Variants in RYR2 observed in about 807,000 individuals in gnomAD.
RYR2 encodes ryanodine receptor 2, also known as cardiac muscle ryanodine receptor-calcium release channel.
A neutral mutation model predicts 601.1 loss-of-function variants in RYR2; 227 were observed. That is an observed-to-expected ratio of 0.38 (90% CI 0.34 to 0.42). The LOEUF (loss-of-function observed/expected upper bound fraction) is 0.42. Among genes scored for constraint, RYR2 ranks in the 10% least tolerant of loss-of-function variants. The pLI, the probability that RYR2 is intolerant of heterozygous loss-of-function variation, is 1.00. For missense variants in RYR2, 4,646 were observed against 6,156.5 expected (o/e 0.75, Z 8.21); for synonymous variants, 2,223 against 2,175.1 (o/e 1.02, Z -0.61).
intron 1 of RYR2, among the ~76,000 whole-genome samples, chr1:237,149,114 T>G (rs1249731107): frequency 6.6e-6 from 1 of 152,200 alleles, no homozygotes; most frequent in African/African-American, 2.4e-5. Flanking sequence ...TAATTATACT[T>G]TGAAAACTTA....
intron 1 of RYR2, among the ~76,000 whole-genome samples, chr1:237,127,372 C>G (rs1482343061): frequency 1.3e-5 from 2 of 149,846 alleles, no homozygotes; most frequent in Non-Finnish European, 3.0e-5. Context: ...TGGGCAGAGG[C>G]GCCCCTCACC....
intron 25 of RYR2, among the ~76,000 whole-genome samples, chr1:237,538,148 G>C (rs1668842807): frequency 6.6e-6 from 1 of 152,042 alleles, no homozygotes; most frequent in Non-Finnish European, 1.5e-5. Flanking sequence ...CCAGCACTTT[G>C]GGAAGTCGAG....
chr1:237,381,458 T>G (rs1478358042), intron 8 of RYR2, among the ~76,000 whole-genome samples: 1 of 152,150 alleles, frequency 6.6e-6, no homozygotes, highest in East Asian at 1.9e-4. Context: ...TGATAACAAA[T>G]TAGTTAAAAC....
chr1:237,806,854 G>A (rs559611779), intron 99 of RYR2, among the ~76,000 whole-genome samples: 11 of 152,240 alleles, frequency 7.2e-5, no homozygotes, highest in African/African-American at 2.4e-4. Flanking sequence ...ATGCACTTAC[G>A]TTCCAATGGA....
Position 237,220,570 on chromosome 1 carries a change from T to C in RYR2, c.49-49927T>C, listed in dbSNP as rs547258794. ...TTCCTCCCAGTCATCCCCCTCCATA[T>C]ATACCGTATAGTTTCTGTTTCTCGG... is the stretch of plus-strand genomic sequence containing the variant. On this transcript the variant is annotated intron_variant, in intron 1 of 104. Coordinates refer to ENST00000366574, the MANE Select transcript of RYR2 (RefSeq NM_001035.3). Among the ~76,000 whole-genome samples the C allele has an allele frequency of 2.0e-5, 3 of 152,308 alleles. No homozygotes were observed. In the South Asian group the frequency reaches 6.2e-4, roughly 32 times the overall value.
Position 237,819,218 on chromosome 1 carries a change from A to T in RYR2, c.14590+26A>T, listed in dbSNP as rs566498376. On this transcript the variant is annotated intron_variant, in intron 101 of 104. Transcript: ENST00000366574. This position sits in a 1 kb window ranked among gnomAD's most constrained non-coding sequence, Gnocchi z 4.0. ...GTAAGTATCCTCCTCACTGAAGCTG[A>T]TGAACATCTAGAATTTGAGCCACAT... 1.3e-5 allele frequency: 20 copies of T among 1,597,080 alleles called. No homozygotes were observed. The highest frequency in any genetic ancestry group is 1.7e-5 in the Admixed American group (1 of 59,944).
At chr1:237,669,913 G>A (rs1461205022) in intron 58 of RYR2, among the ~76,000 whole-genome samples, 4 of 151,840 alleles carry the variant, frequency 2.6e-5, no homozygotes, top group South Asian at 2.1e-4. Context: ...CTGCAATCTC[G>A]GCATTTTGGG....
At chr1:237,300,523 C>T (rs1360285826) in intron 2 of RYR2, among the ~76,000 whole-genome samples, 1 of 152,142 alleles carries the variant, frequency 6.6e-6, no homozygotes, top group African/African-American at 2.4e-5. Context: ...ACACTACTCT[C>T]GTCATTCAAA....
At chr1:237,557,487 C>G (rs780962374) in intron 27 of RYR2, among the ~76,000 whole-genome samples, 2 of 151,628 alleles carry the variant, frequency 1.3e-5, no homozygotes. Context: ...TTTCAGAGAG[C>G]TTTGTACGAC....
chr1:237,602,394 G>A (rs1676604934), intron 35 of RYR2, among the ~76,000 whole-genome samples: 1 of 152,116 alleles, frequency 6.6e-6, no homozygotes, highest in Non-Finnish European at 1.5e-5. Flanking sequence ...GAACTGATAG[G>A]TGAGCTAATG....
chr1:237,594,796 A>G (rs1342038973), intron 33 of RYR2, among the ~76,000 whole-genome samples: 2 of 150,802 alleles, frequency 1.3e-5, no homozygotes, highest in Non-Finnish European at 2.9e-5. Context: ...GAATGCTGAT[A>G]AGGCTCAAAT....
At chr1:237,759,603 A>G (rs1347704298) in intron 82 of RYR2, among the ~76,000 whole-genome samples, 173 bp from the exon 83 acceptor site, 3 of 152,204 alleles carry the variant, frequency 2.0e-5, no homozygotes, top group East Asian at 1.9e-4. Context: ...TTGCGTAACT[A>G]TCTTGCTTCG....
chr1:237,653,440 A>G (rs1191887371), intron 51 of RYR2, among the ~76,000 whole-genome samples: 1 of 152,266 alleles, frequency 6.6e-6, no homozygotes, highest in Non-Finnish European at 1.5e-5. Context: ...TGATTAACGT[A>G]GAACTCAGGG....
At chr1:237,447,003 T>G (rs930786513) in intron 14 of RYR2, among the ~76,000 whole-genome samples, 7 of 152,184 alleles carry the variant, frequency 4.6e-5, no homozygotes, top group Non-Finnish European at 7.4e-5. Context: ...TAGTTTTTCT[T>G]TACTAGAGCT....
Position 237,546,990 on chromosome 1 carries a change from TA to T in RYR2, c.2907-1440del, listed in dbSNP as rs373115914. 3.4e-3 allele frequency among the ~76,000 whole-genome samples: 260 copies of T among 77,404 alleles called. 2 individuals carry two copies. Among genetic ancestry groups the T allele is most frequent in the South Asian group, 0.01 (22 of 2,176 alleles). The allele number at this position is 77,404 out of a possible 152,430, so 50.8% of individuals were successfully genotyped here. ...ATTTTCAAAAGCATATATATATATA[TA>T]TATATTTATTTATTTATTTATTTAT... On this transcript the variant is annotated intron_variant, in intron 25 of 104. Coordinates refer to ENST00000366574, the MANE Select transcript of RYR2 (RefSeq NM_001035.3).
At chr1:237,640,833 G>A (rs931414202) in intron 46 of RYR2, 64 bp from the exon 47 acceptor site, 1 of 1,285,828 alleles carries the variant, frequency 7.8e-7, no homozygotes, top group Non-Finnish European at 1.1e-6. Flanking sequence ...GGAGAGATAT[G>A]TAATAAACAT....
rs531157101 is a variant in RYR2 at position 237,214,093 on chromosome 1, GT to G, written c.49-56403del. Among the ~76,000 whole-genome samples the G allele has an allele frequency of 5.1e-4, 78 of 151,460 alleles. No homozygotes were observed. In the South Asian group the frequency reaches 5.2e-3, roughly 10 times the overall value. On this transcript the variant is annotated intron_variant, in intron 1 of 104. Coordinates refer to ENST00000366574, the MANE Select transcript of RYR2 (RefSeq NM_001035.3). ...GCACCATCACTCCTAGATAATTTTTGTATTTTTAGTAGAGATGGGGTTTCAC... is the reference window on the plus strand; with the variant it reads ...GCACCATCACTCCTAGATAATTTTTGATTTTTAGTAGAGATGGGGTTTCAC...
At chr1:237,270,462 C>T (rs549126247) in intron 1 of RYR2, 35 bp from the exon 2 acceptor site, 65 of 1,554,922 alleles carry the variant, frequency 4.2e-5, no homozygotes, top group Non-Finnish European at 5.1e-5. Flanking sequence ...TGTCACGTCT[C>T]ACTTATTTTT....
chr1:237,496,841 C>A, intron 20 of RYR2, 89 bp downstream of exon 20: 1 of 1,425,000 alleles, frequency 7.0e-7, no homozygotes, highest in Non-Finnish European at 9.6e-7. Context: ...CCATTAGGTA[C>A]TTCTATAGGG....
Sources: gnomAD v4.1 joint callset for allele counts (sites outside exome capture counted in the v4.1 genomes callset) on GRCh38, gnomAD v4.1.1 for gene constraint, Gnocchi (gnomAD v3.1) non-coding constraint, MANE v1.5 for transcripts, NCBI Gene and HGNC (gene_info 2026-07-23, HGNC 2026-07-21) for gene names.